ST8SIA1: variants seen among roughly 807,000 people sequenced by gnomAD.
ST8SIA1 encodes the protein alpha-N-acetylneuraminide alpha-2,8-sialyltransferase.
ST8SIA1 carries 16 observed loss-of-function variants against 35.9 expected under a neutral mutation model. The ratio of observed to expected loss-of-function variants is 0.45; its 90% confidence interval spans 0.30 to 0.68. The LOEUF (loss-of-function observed/expected upper bound fraction) is 0.68. Among genes scored for constraint, ST8SIA1 ranks in the 30% least tolerant of loss-of-function variants. The probability of loss-of-function intolerance (pLI) is 0.09; values close to 1 mark genes in which losing one functional copy is unlikely to be tolerated. For missense variants in ST8SIA1, 383 were observed against 453.6 expected (o/e 0.84, Z 1.41); for synonymous variants, 170 against 169.6 (o/e 1.00, Z -0.02).
intron 4 of ST8SIA1, among the ~76,000 whole-genome samples, chr12:22,218,247 C>T (rs1422888004): frequency 6.6e-6 from 1 of 151,978 alleles, no homozygotes; most frequent in Non-Finnish European, 1.5e-5. Context: ...TTGCTTGAAC[C>T]TGGGAGGCAG....
At chr12:22,272,450 G>A (rs1187669559) in intron 2 of ST8SIA1, among the ~76,000 whole-genome samples, 1 of 152,152 alleles carries the variant, frequency 6.6e-6, no homozygotes, top group Non-Finnish European at 1.5e-5. Context: ...AGTTCAAGGG[G>A]TTAAAAAATT....
intron 1 of ST8SIA1, among the ~76,000 whole-genome samples, chr12:22,310,810 T>C (rs376687621): frequency 4.6e-4 from 70 of 152,172 alleles, no homozygotes; most frequent in African/African-American, 1.7e-3. Flanking sequence ...TAAATCAACA[T>C]GGCAACCCAA....
Position 22,333,991 on chromosome 12 carries a change from G to A in ST8SIA1, c.236+6C>T. The stretch of plus-strand genomic sequence containing the variant: ...TAGAGGGGAGGAGCCGCGAGGGCAG[G>A]AGTACCTGAACGCTCTGGCCGCGGT... On this transcript the variant is annotated splice_donor_region_variant and intron_variant, in intron 1 of 4. Transcript: ENST00000396037. 13 of 1,612,962 alleles carry A rather than the reference G, an allele frequency of 8.1e-6. No homozygotes were observed. The highest frequency in any genetic ancestry group is 1.1e-5 in the Non-Finnish European group (13 of 1,179,286).
chr12:22,245,973 C>T (rs926008883), intron 4 of ST8SIA1, among the ~76,000 whole-genome samples: 1 of 152,208 alleles, frequency 6.6e-6, no homozygotes, highest in African/African-American at 2.4e-5. Context: ...TCCCTTCCCC[C>T]ATCCCTCATC....
chr12:22,307,554 C>A (rs1293256559), intron 1 of ST8SIA1, among the ~76,000 whole-genome samples: 1 of 152,126 alleles, frequency 6.6e-6, no homozygotes, highest in East Asian at 1.9e-4. Context: ...AGGGGGAGAG[C>A]AGACACACTT....
At chr12:22,318,059 A>G (rs1866541834) in intron 1 of ST8SIA1, among the ~76,000 whole-genome samples, 1 of 152,252 alleles carries the variant, frequency 6.6e-6, no homozygotes, top group Admixed American at 6.5e-5. Flanking sequence ...ATCTGGAAGA[A>G]TAGACATCAA....
intron 2 of ST8SIA1, among the ~76,000 whole-genome samples, chr12:22,283,732 G>A (rs747991361): frequency 6.6e-6 from 1 of 152,104 alleles, no homozygotes; most frequent in Non-Finnish European, 1.5e-5. Flanking sequence ...GGTACTGCAG[G>A]GGTCCAGCCC....
At chr12:22,296,122 TA>T (rs1866239971) in intron 1 of ST8SIA1, among the ~76,000 whole-genome samples, 1 of 152,098 alleles carries the variant, frequency 6.6e-6, no homozygotes, top group Admixed American at 6.6e-5. Context: ...GCAGAGGCCT[TA>T]AAGAGGAGCA....
intron 4 of ST8SIA1, among the ~76,000 whole-genome samples, chr12:22,230,765 A>G (rs1026492950): frequency 3.3e-5 from 5 of 152,188 alleles, no homozygotes; most frequent in African/African-American, 4.8e-5. Context: ...GAAGATCTGA[A>G]TCACAGGGCA....
At position 22,334,622 on chromosome 12, in the gene ST8SIA1, A is replaced by C; in HGVS notation, c.-390T>G. On this transcript the variant is annotated 5_prime_UTR_variant, in exon 1 of 5. An upstream start codon of the reference 5' UTR is lost. Transcript: ENST00000396037. ...GAGAAGGCTCGGCTCCCTCCTAAAC[A>C]TGTGGCCCGTGGCGTCCCCTTGTCC... 17 of 218,636 alleles carry C rather than the reference A, an allele frequency of 7.8e-5. No homozygotes were observed. The highest frequency in any genetic ancestry group is 1.3e-4 in the East Asian group (1 of 7,670). The allele number at this position is 218,636 out of a possible 1,614,324, so 13.5% of individuals were successfully genotyped here.
At chr12:22,248,971 T>A in intron 4 of ST8SIA1, 35 bp downstream of exon 4, 3 of 1,505,710 alleles carry the variant, frequency 2.0e-6, no homozygotes, top group South Asian at 2.3e-5. Flanking sequence ...AGACTTCATC[T>A]TCGTTCGTCA....
chr12:22,230,022 G>A (rs1865400170), intron 4 of ST8SIA1, among the ~76,000 whole-genome samples: 1 of 152,216 alleles, frequency 6.6e-6, no homozygotes, highest in East Asian at 1.9e-4. Context: ...ATCAAGTAAT[G>A]TAAGTACCGG....
chr12:22,241,568 C>T (rs1431635374), intron 4 of ST8SIA1, among the ~76,000 whole-genome samples: 4 of 147,832 alleles, frequency 2.7e-5, no homozygotes, highest in African/African-American at 1.0e-4. Flanking sequence ...AATTAAACCT[C>T]TTTTCTTTAA....
rs1336869624 is a variant in ST8SIA1 at position 22,334,246 on chromosome 12, T to C, written c.-14A>G. The C allele has an allele frequency of 6.2e-7, 1 of 1,602,818 alleles. No individual in the cohort carries two copies. Among genetic ancestry groups the C allele is most frequent in the East Asian group, 2.2e-5 (1 of 44,654 alleles). ...GCAGGGGCTCATCGCAGCCCCGGCG[T>C]CCCAGGGGCGGGGGCCGGGGCCTCA... On this transcript the variant is annotated 5_prime_UTR_variant, in exon 1 of 5. Coordinates refer to ENST00000396037, the MANE Select transcript of ST8SIA1 (RefSeq NM_003034.4).
intron 4 of ST8SIA1, among the ~76,000 whole-genome samples, chr12:22,218,355 T>C (rs1056113058): frequency 1.3e-5 from 2 of 148,770 alleles, no homozygotes; most frequent in Non-Finnish European, 3.0e-5. Context: ...CAGTGGCTCA[T>C]GCCTGTAAAC....
At chr12:22,276,328 T>C (rs1005418663) in intron 2 of ST8SIA1, among the ~76,000 whole-genome samples, 9 of 152,222 alleles carry the variant, frequency 5.9e-5, no homozygotes, top group African/African-American at 1.7e-4. Flanking sequence ...TAACTAACTG[T>C]GTGAACACTC....
chr12:22,304,334 C>CTTTTTTTTTTTTTTTT (rs3063802), intron 1 of ST8SIA1, among the ~76,000 whole-genome samples: 3 of 106,234 alleles, frequency 2.8e-5, no homozygotes, highest in African/African-American at 7.4e-5. Context: ...TTTTCTTTTT[C>CTTTTTTTTTTTTTTTT]TTTTTTTTTT....
intron 2 of ST8SIA1, among the ~76,000 whole-genome samples, chr12:22,284,931 T>C (rs1866080099): frequency 6.6e-6 from 1 of 152,034 alleles, no homozygotes; most frequent in South Asian, 2.1e-4. Flanking sequence ...TCCTCATCTA[T>C]AAAAAAAAGC....
At chr12:22,217,923 CAGA>C (rs1865252389) in intron 4 of ST8SIA1, among the ~76,000 whole-genome samples, 1 of 152,202 alleles carries the variant, frequency 6.6e-6, no homozygotes. Flanking sequence ...TAGGCATTAT[CAGA>C]ATAATGAGAT....
Sources: allele counts gnomAD v4.1 joint callset (sites outside exome capture counted in the v4.1 genomes callset), GRCh38; gene constraint gnomAD v4.1.1; transcripts MANE v1.5; gene names NCBI Gene and HGNC (gene_info 2026-07-23, HGNC 2026-07-21).